The following CDR2L variants were observed in gnomAD, a reference collection of about 807,000 sequenced individuals.
CDR2L encodes the protein cerebellar degeneration related protein 2 like, also known as cerebellar degeneration-related protein 2-like.
A neutral mutation model predicts 36.1 loss-of-function variants in CDR2L; 19 were observed. That is an observed-to-expected ratio of 0.53 (90% CI 0.37 to 0.77). The LOEUF is 0.77. Among genes scored for constraint, CDR2L ranks in the 30% least tolerant of loss-of-function variants. The pLI, the probability that CDR2L is intolerant of heterozygous loss-of-function variation, is 0.00. For synonymous variants in CDR2L, 285 were observed against 280.4 expected, an observed-to-expected ratio of 1.02 and a Z score of -0.16; for missense variants, 575 against 627.2, an observed-to-expected ratio of 0.92 and a Z score of 0.89.
chr17:75,003,591 G>C lies in CDR2L; in HGVS notation c.915G>C (p.Pro305=), dbSNP rs1352470279. The C allele has an allele frequency of 8.7e-6, 13 of 1,502,354 alleles. No homozygotes were observed. Among genetic ancestry groups the C allele is most frequent in the South Asian group, 3.9e-5 (3 of 77,124 alleles). The allele number at this position is 1,502,354 out of a possible 1,614,324, so 93.1% of individuals were successfully genotyped here. A position where few individuals can be genotyped will look rare whatever the true frequency, so the allele number is the denominator to read the frequency against. ...DLGAQDGVSS[P]AASPGHVVRK... is the part of the protein sequence containing the mutation. ...GCGCCCAGGACGGGGTCTCCTCACC[G>C]GCAGCCTCTCCAGGCCACGTGGTGC... Residue 305 remains proline, a synonymous_variant, in exon 5 of 5, where the codon CCG becomes CCC. Transcript: ENST00000337231.
At chr17:74,990,001 A>T (rs1007461914) in intron 1 of CDR2L, among the ~76,000 whole-genome samples, 1 of 152,198 alleles carries the variant, frequency 6.6e-6, no homozygotes. Flanking sequence ...AGAAAGAAAG[A>T]TCAGAAACTG....
At position 74,988,047 on chromosome 17, in the gene CDR2L, C is replaced by T. The variant is rs1338755919; in HGVS notation, c.4C>T (p.Arg2Trp). M[R>W]RAAGMEDFSA... ...CCCGCCCGCCGCCCGCGGGGCCATG[C>T]GGAGAGCCGCCGGGATGGAGGACTT... The change falls in exon 1 of 5, where the codon CGG (arginine) becomes TGG (tryptophan). Residue 2 changes from arginine (R) to tryptophan (W), a missense_variant. Physicochemically the swap from Arg to Trp is moderately radical, Grantham distance 101 (BLOSUM62 -3). Coordinates refer to ENST00000337231, the MANE Select transcript of CDR2L (RefSeq NM_014603.3). The T allele has an allele frequency of 2.0e-6, 3 of 1,522,110 alleles. No homozygotes were observed. The highest frequency in any genetic ancestry group is 5.4e-5 in the East Asian group (2 of 36,720). 94.3% of individuals were successfully genotyped at this position (1,522,110 alleles called of 1,614,324 possible).
rs923050149 is a variant in CDR2L, at chr17:74,989,205, G to A, written c.79+1083G>A. Among the ~76,000 whole-genome samples the A allele has an allele frequency of 6.6e-6, 1 of 152,158 alleles. No individual in the cohort carries two copies. Among genetic ancestry groups the A allele is most frequent in the Non-Finnish European group, 1.5e-5 (1 of 68,018 alleles). On this transcript the variant is annotated intron_variant, in intron 1 of 4. Transcript: ENST00000337231. The surrounding 1 kb of genome is among the most constrained non-coding windows in gnomAD (Gnocchi z 4.2). ...TTGCCCTGATGTGCAGCAGCTATCC[G>A]GATTCTGAAGCCCCTGACCTACTTC...
At chr17:74,997,689 C>T (rs2039838494) in intron 1 of CDR2L, among the ~76,000 whole-genome samples, 1 of 151,744 alleles carries the variant, frequency 6.6e-6, no homozygotes, top group African/African-American at 2.4e-5. Flanking sequence ...GAGTTCAATA[C>T]TAGCCTGGGC....
intron 1 of CDR2L, among the ~76,000 whole-genome samples, chr17:74,996,425 C>G (rs974289879): frequency 3.0e-5 from 3 of 98,516 alleles, no homozygotes; most frequent in African/African-American, 8.0e-5. Context: ...GCCTGGGAGA[C>G]AAAGCGAGAC....
intron 1 of CDR2L, among the ~76,000 whole-genome samples, chr17:74,990,211 T>G (rs886653590): frequency 1.3e-5 from 2 of 152,130 alleles, no homozygotes; most frequent in Non-Finnish European, 2.9e-5. Flanking sequence ...CTGCGCTGGG[T>G]GGCCGTGCTC....
rs145462238 is a variant in CDR2L at position 75,002,227 on chromosome 17, C to T, written c.505C>T (p.Arg169Trp). Reference sequence around the variant, plus strand: ...CCTCAAGGAGCTGTGCACCAGCCCCCGGTAGGTGAGAGCACTGCTTGGTGT... The same window carrying T: ...CCTCAAGGAGCTGTGCACCAGCCCCTGGTAGGTGAGAGCACTGCTTGGTGT... ...PCLKELCTSPRCKDAFRLHSS... is the reference protein window; with the variant it reads ...PCLKELCTSPWCKDAFRLHSS... The change falls in exon 4 of 5, where the codon CGG becomes TGG. Residue 169 changes from arginine (R) to tryptophan (W), a missense_variant and splice_region_variant. Arg to Trp is a moderately radical substitution (Grantham distance 101). Coordinates refer to ENST00000337231, the MANE Select transcript of CDR2L (RefSeq NM_014603.3). This position sits in a 1 kb window ranked among gnomAD's most constrained non-coding sequence, Gnocchi z 4.1. 45 of 1,605,614 alleles carry T rather than the reference C, an allele frequency of 2.8e-5. No homozygotes were observed. The highest frequency in any genetic ancestry group is 6.8e-5 in the East Asian group (3 of 44,402).
Position 74,989,513 on chromosome 17 carries a change from G to T in CDR2L, c.79+1391G>T, listed in dbSNP as rs911321166. 2.0e-5 allele frequency among the ~76,000 whole-genome samples: 3 copies of T among 150,984 alleles called. No individual in the cohort carries two copies. Among genetic ancestry groups the T allele is most frequent in the Non-Finnish European group, 4.4e-5 (3 of 67,900 alleles). On this transcript the variant is annotated intron_variant, in intron 1 of 4. Transcript: ENST00000337231. The surrounding 1 kb of genome is among the most constrained non-coding windows in gnomAD (Gnocchi z 4.2). ...AAATTTTTCCATGAACACCTATTAG[G>T]CTCCCCTTAAGTACCAGACACCATC...
chr17:74,998,164 G>A (rs948818464), intron 1 of CDR2L, among the ~76,000 whole-genome samples: 40 of 152,048 alleles, frequency 2.6e-4, no homozygotes, highest in Non-Finnish European at 5.1e-4. Context: ...GGCGGAGGTT[G>A]CAGTGAGCCA....
chr17:75,003,463 T>C lies in CDR2L; in HGVS notation c.787T>C (p.Tyr263His). 2 of 1,576,436 alleles carry C rather than the reference T, an allele frequency of 1.3e-6. No individual in the cohort carries two copies. The highest frequency in any genetic ancestry group is 2.3e-5 in the South Asian group (2 of 85,754). ...ELQQMKQAKT[Y>H]LLGPDDHLAE... ...GCAGCAGATGAAGCAGGCCAAGACC[T>C]ACCTACTGGGTCCGGACGACCACCT... is the stretch of plus-strand genomic sequence containing the variant. Residue 263 changes from tyrosine (Y) to histidine (H), a missense_variant, in exon 5 of 5, where the codon TAC becomes CAC. By Grantham distance (83) the Tyr-to-His change is moderately conservative (BLOSUM62 2). Coordinates refer to ENST00000337231, the MANE Select transcript of CDR2L (RefSeq NM_014603.3).
At chr17:74,988,670 A>G (rs1331849494) in intron 1 of CDR2L, among the ~76,000 whole-genome samples, 1 of 152,202 alleles carries the variant, frequency 6.6e-6, no homozygotes, top group Non-Finnish European at 1.5e-5. Flanking sequence ...AGAAGCAGAA[A>G]GTCAAGTCTC....
intron 4 of CDR2L, 36 bp from the exon 5 acceptor site, chr17:75,003,147 C>T (rs1436602873): frequency 1.9e-6 from 3 of 1,547,676 alleles, no homozygotes; most frequent in Admixed American, 3.9e-5. Flanking sequence ...CCCTCTCCTC[C>T]GCCCCCACCC....
chr17:74,997,958 C>T (rs904527611), intron 1 of CDR2L, among the ~76,000 whole-genome samples: 2 of 150,744 alleles, frequency 1.3e-5, no homozygotes, highest in African/African-American at 2.4e-5. Flanking sequence ...CGGTGGCTCA[C>T]GCCTGTAATC....
Position 75,003,401 on chromosome 17 carries a change from T to G in CDR2L, c.725T>G (p.Leu242Arg). 6.4e-7 allele frequency: 1 copy of G among 1,567,820 alleles called. No individual in the cohort carries two copies. Among genetic ancestry groups the G allele is most frequent in the South Asian group, 1.2e-5 (1 of 85,034 alleles). The change falls in exon 5 of 5, where the codon CTG becomes CGG. Residue 242 changes from leucine (L) to arginine (R), a missense_variant. By Grantham distance (102) the Leu-to-Arg change is moderately radical. Coordinates refer to ENST00000337231, the MANE Select transcript of CDR2L (RefSeq NM_014603.3). ...RQLCEMEACR[L>R]RVQELEAELL... ...CTGTGCGAGATGGAGGCCTGTCGCC[T>G]GCGTGTGCAGGAGCTGGAGGCCGAG...
chr17:74,997,978 T>C (rs983355186), intron 1 of CDR2L, among the ~76,000 whole-genome samples: 3 of 150,600 alleles, frequency 2.0e-5, no homozygotes, highest in Non-Finnish European at 4.4e-5. Context: ...CCCAGCACTT[T>C]GGGAGGCCGA....
intron 1 of CDR2L, among the ~76,000 whole-genome samples, chr17:74,988,476 G>A (rs1260342638): frequency 6.6e-6 from 1 of 152,234 alleles, no homozygotes; most frequent in Admixed American, 6.5e-5. Flanking sequence ...AGTCTTCTGA[G>A]GCCGGGAGGC....
chr17:75,005,395 CG>C lies in CDR2L; in HGVS notation c.*1328del, dbSNP rs60342420. On this transcript the variant is annotated 3_prime_UTR_variant, in exon 5 of 5. Coordinates refer to ENST00000337231, the MANE Select transcript of CDR2L (RefSeq NM_014603.3). This position sits in a 1 kb window ranked among gnomAD's most constrained non-coding sequence, Gnocchi z 4.2. ...GAAGAGCCATACAGTCAGTGGAAGG[CG>C]GGGGGGCCCTGGCCTCTGCACCGGG... is the stretch of plus-strand genomic sequence containing the variant. 2 of 152,700 alleles carry C rather than the reference CG, an allele frequency of 1.3e-5. No homozygotes were observed. Among genetic ancestry groups the C allele is most frequent in the East Asian group, 1.9e-4 (1 of 5,196 alleles). The allele number at this position is 152,700 out of a possible 1,614,324, so 9.5% of individuals were successfully genotyped here.
rs201349027 is a variant in CDR2L at position 75,003,985 on chromosome 17, A to G, written c.1309A>G (p.Lys437Glu). The G allele has an allele frequency of 1.6e-5, 26 of 1,609,848 alleles. No homozygotes were observed. The highest frequency in any genetic ancestry group is 2.0e-5 in the Non-Finnish European group (24 of 1,178,332). ...GCTGGAACAGAGCCAGCCCGAGTAC[A>G]AGGCGCTCTTCAAAGAGATCTTCTC... Reference protein sequence around the residue: ...KRLEQSQPEYKALFKEIFSRI... With the variant: ...KRLEQSQPEYEALFKEIFSRI... Residue 437 changes from lysine (K) to glutamate (E), a missense_variant, in exon 5 of 5, where the codon AAG becomes GAG. Lys to Glu is a moderately conservative substitution (Grantham distance 56). Transcript: ENST00000337231.
chr17:74,991,110 T>C (rs2039793975), intron 1 of CDR2L, among the ~76,000 whole-genome samples: 1 of 152,118 alleles, frequency 6.6e-6, no homozygotes, highest in Non-Finnish European at 1.5e-5. Flanking sequence ...TTTATAAAAA[T>C]AGAAAAAGCC....
Sources: gnomAD v4.1 joint callset for allele counts (sites outside exome capture counted in the v4.1 genomes callset) on GRCh38, gnomAD v4.1.1 for gene constraint, Gnocchi (gnomAD v3.1) non-coding constraint, MANE v1.5 for transcripts, NCBI Gene and HGNC (gene_info 2026-07-23, HGNC 2026-07-21) for gene names.